Variants in DPP6 observed in about 807,000 individuals in gnomAD.
The protein encoded by DPP6 is dipeptidyl peptidase like 6.
In DPP6, 69 loss-of-function variants were observed where a neutral mutation model predicts 122.6. The ratio of observed to expected loss-of-function variants is 0.56; its 90% CI spans 0.46 to 0.69. The LOEUF is 0.69. Ranked by LOEUF, DPP6 falls within the 30% of genes least tolerant of loss-of-function variation. DPP6 has a pLI of 0.00. For missense variants in DPP6, 928 were observed against 1,116.9 expected (o/e 0.83, Z 2.41); for synonymous variants, 418 against 433.1 (o/e 0.97, Z 0.43).
intron 1 of DPP6, among the ~76,000 whole-genome samples, chr7:154,006,656 C>T (rs1797925256): frequency 6.6e-6 from 1 of 152,174 alleles, no homozygotes; most frequent in South Asian, 2.1e-4. Flanking sequence ...CCTATCTGTG[C>T]TCTGCTTCCT....
At chr7:154,577,744 T>C (rs894079688) in intron 5 of DPP6, among the ~76,000 whole-genome samples, 144 of 152,258 alleles carry the variant, frequency 9.5e-4, no homozygotes, top group African/African-American at 3.3e-3. Context: ...GAGGGGAGAA[T>C]GACTCAAGTA....
intron 1 of DPP6, among the ~76,000 whole-genome samples, chr7:154,358,922 T>C (rs1811495526): frequency 6.6e-6 from 1 of 152,132 alleles, no homozygotes; most frequent in Non-Finnish European, 1.5e-5. Context: ...ACCAGGCTGG[T>C]CTCGAACTCC....
At chr7:154,841,063 C>T (rs1331194104) in intron 16 of DPP6, among the ~76,000 whole-genome samples, 2 of 152,176 alleles carry the variant, frequency 1.3e-5, no homozygotes, top group African/African-American at 2.4e-5. Flanking sequence ...CAAATCAGAA[C>T]TTAATTGCTC....
the DPP6 span, among the ~76,000 whole-genome samples, chr7:153,857,322 T>TTTTCTCTCTCTCTCTC: frequency 2.4e-5 from 3 of 124,478 alleles, no homozygotes; most frequent in Non-Finnish European, 3.3e-5. Flanking sequence ...CTCAAAGGTT[T>TTTTCTCTCTCTCTCTC]TCTCTCTCTC....
chr7:154,777,793 A>G (rs1451678814), intron 10 of DPP6, among the ~76,000 whole-genome samples: 2 of 152,098 alleles, frequency 1.3e-5, no homozygotes. Flanking sequence ...CCCAAGACAC[A>G]AAACCAACCA....
intron 1 of DPP6, among the ~76,000 whole-genome samples, chr7:154,015,872 G>A (rs904718896): frequency 3.3e-5 from 5 of 152,014 alleles, no homozygotes; most frequent in Non-Finnish European, 7.4e-5. Flanking sequence ...GTTGAAACAA[G>A]TCAGATCCAT....
intron 1 of DPP6, among the ~76,000 whole-genome samples, chr7:154,334,877 C>G (rs557751272): frequency 6.6e-4 from 100 of 151,968 alleles, no homozygotes; most frequent in African/African-American, 2.4e-3. Context: ...ACCTGAGCAA[C>G]AGAGGAAGAC....
At chr7:153,966,939 T>C (rs1795772958) in intron 1 of DPP6, among the ~76,000 whole-genome samples, 1 of 151,492 alleles carries the variant, frequency 6.6e-6, no homozygotes, top group African/African-American at 2.4e-5. Context: ...TAGTGTCATC[T>C]GCCTGTAGTC....
At chr7:154,454,016 G>A (rs1175842464) in intron 2 of DPP6, among the ~76,000 whole-genome samples, 1 of 151,518 alleles carries the variant, frequency 6.6e-6, no homozygotes, top group East Asian at 1.9e-4. Context: ...TTTTTGTCTT[G>A]TAGAAATAGA....
chr7:153,797,990 C>T, the DPP6 span, among the ~76,000 whole-genome samples: 115 of 152,226 alleles, frequency 7.6e-4, no homozygotes, highest in East Asian at 2.1e-3. Context: ...TACAGGTGCC[C>T]GTCACCATGC....
At chr7:154,557,054 T>C (rs1830094450) in intron 4 of DPP6, among the ~76,000 whole-genome samples, 1 of 152,198 alleles carries the variant, frequency 6.6e-6, no homozygotes, top group African/African-American at 2.4e-5. Context: ...TTGTATTTTC[T>C]AGCCAAGGAG....
chr7:153,981,331 G>T (rs1428698411), intron 1 of DPP6, among the ~76,000 whole-genome samples: 2 of 151,978 alleles, frequency 1.3e-5, no homozygotes, highest in Non-Finnish European at 2.9e-5. Flanking sequence ...GACTTTTATT[G>T]GTTTAAAGTC....
At chr7:154,053,137 G>A (rs913866985) in intron 1 of DPP6, 74 bp downstream of exon 1, 1 of 964,218 alleles carries the variant, frequency 1.0e-6, no homozygotes. Flanking sequence ...CGTCGGCAGG[G>A]GAAATTTTTT....
At chr7:153,883,390 C>T (rs574722465), upstream of DPP6, among the ~76,000 whole-genome samples, 1 of 150,750 alleles carries the variant, frequency 6.6e-6, no homozygotes, top group African/African-American at 2.4e-5. Context: ...TTTTTTTGTT[C>T]TTTTTTTTTG....
intron 10 of DPP6, among the ~76,000 whole-genome samples, chr7:154,785,988 C>G (rs1797310356): frequency 6.6e-6 from 1 of 152,168 alleles, no homozygotes; most frequent in Non-Finnish European, 1.5e-5. Flanking sequence ...TGAGTGCCCT[C>G]CATAGCCCTG....
intron 7 of DPP6, among the ~76,000 whole-genome samples, chr7:154,715,776 G>A (rs1017048733): frequency 3.0e-4 from 46 of 152,158 alleles, no homozygotes; most frequent in African/African-American, 1.1e-3. Context: ...GTCATCCATA[G>A]GTGATGAACC....
the DPP6 span, among the ~76,000 whole-genome samples, chr7:153,880,021 A>G: frequency 6.6e-6 from 1 of 152,172 alleles, no homozygotes; most frequent in African/African-American, 2.4e-5. Flanking sequence ...TGACTTATTT[A>G]TCAACAATTG....
intron 1 of DPP6, among the ~76,000 whole-genome samples, chr7:153,909,310 C>G (rs1370167685): frequency 6.6e-6 from 1 of 152,102 alleles, no homozygotes; most frequent in Non-Finnish European, 1.5e-5. Context: ...TTCAGCAGAG[C>G]AGGGGCTGGG....
chr7:154,855,632 C>T (rs1288051793), intron 17 of DPP6, among the ~76,000 whole-genome samples: 3 of 152,206 alleles, frequency 2.0e-5, no homozygotes, highest in Admixed American at 2.0e-4. Flanking sequence ...CTAAGGGGCA[C>T]GAGGCTGTGA....
Sources: gnomAD v4.1 joint callset for allele counts (sites outside exome capture counted in the v4.1 genomes callset) on GRCh38, gnomAD v4.1.1 for gene constraint, MANE v1.5 for transcripts, NCBI Gene and HGNC (gene_info 2026-07-23, HGNC 2026-07-21) for gene names.